KANSL1: variants seen among roughly 807,000 people sequenced by gnomAD.
KANSL1 encodes KAT8 regulatory NSL complex subunit 1, also known as MLL1/MLL complex subunit KANSL1.
KANSL1 carries 22 observed loss-of-function variants against 103.6 expected under a neutral mutation model. The ratio of observed to expected loss-of-function variants is 0.21; its 90% CI spans 0.15 to 0.30. KANSL1 has a LOEUF of 0.30. Ranked by LOEUF, KANSL1 falls within the 10% of genes least tolerant of loss-of-function variation. The pLI is 1.00. For missense variants in KANSL1, 1,337 were observed against 1,399.8 expected (o/e 0.96, Z 0.72); for synonymous variants, 600 against 527.6 (o/e 1.14, Z -1.88).
rs191378216 is a variant in KANSL1 at position 46,068,965 on chromosome 17, G to A, written c.1534-1298C>T. Among the ~76,000 whole-genome samples the A allele has an allele frequency of 2.3e-3, 346 of 152,088 alleles. 2 individuals carry two copies. Among genetic ancestry groups the A allele is most frequent in the African/African-American group, 8.1e-3 (338 of 41,478 alleles). On this transcript the variant is annotated intron_variant, in intron 4 of 14. Transcript: ENST00000432791. ...TTTTGAGATGAAGTCTCGCTATCCC[G>A]CCCAAGCTGGAGTGCAGTGGCATGA...
chr17:46,141,617 T>G (rs1157253900), intron 2 of KANSL1, among the ~76,000 whole-genome samples: 2 of 152,170 alleles, frequency 1.3e-5, no homozygotes, highest in Non-Finnish European at 2.9e-5. Flanking sequence ...TAAAAGGAAT[T>G]AAAAAGAACA....
chr17:46,067,109 G>T (rs1361658851), intron 5 of KANSL1, among the ~76,000 whole-genome samples: 2 of 152,204 alleles, frequency 1.3e-5, no homozygotes, highest in Non-Finnish European at 2.9e-5. Flanking sequence ...CTTAGAATCA[G>T]TTCTATGAAA....
intron 3 of KANSL1, among the ~76,000 whole-genome samples, chr17:46,089,612 T>C (rs2079303448): frequency 1.4e-5 from 2 of 142,076 alleles, no homozygotes; most frequent in Admixed American, 6.9e-5. Context: ...CTGGGAAATC[T>C]TGGTGCAGCA....
intron 2 of KANSL1, among the ~76,000 whole-genome samples, chr17:46,138,814 A>G (rs1455215429): frequency 6.6e-6 from 1 of 152,280 alleles, no homozygotes; most frequent in Non-Finnish European, 1.5e-5. Context: ...TCAAAGGATC[A>G]TCACTGTAAC....
intron 4 of KANSL1, among the ~76,000 whole-genome samples, chr17:46,073,965 T>C (rs1270665293): frequency 7.2e-5 from 11 of 152,116 alleles, no homozygotes; most frequent in Non-Finnish European, 1.6e-4. Context: ...TTTATATATA[T>C]ATACAGGTTA....
At chr17:46,130,914 ATTTC>A (rs1226427628) in intron 2 of KANSL1, among the ~76,000 whole-genome samples, 1 of 152,232 alleles carries the variant, frequency 6.6e-6, no homozygotes, top group East Asian at 1.9e-4. Context: ...AAATAAACAC[ATTTC>A]TTTAAGAAAT....
At chr17:46,140,094 A>T (rs1346995862) in intron 2 of KANSL1, among the ~76,000 whole-genome samples, 1 of 152,190 alleles carries the variant, frequency 6.6e-6, no homozygotes, top group Non-Finnish European at 1.5e-5. Context: ...CTCAGAAATA[A>T]TCACTGTTAG....
chr17:46,149,004 CTTTTTTT>C (rs77731269), intron 2 of KANSL1, among the ~76,000 whole-genome samples: 21,849 of 121,574 alleles, frequency 0.18, 2,200 homozygotes, highest in Middle Eastern at 0.26. Context: ...CTCTTTTTTT[CTTTTTTT>C]TTTTTTTTTG....
At chr17:46,166,175 T>C (rs1308509569) in intron 2 of KANSL1, among the ~76,000 whole-genome samples, 1 of 140,048 alleles carries the variant, frequency 7.1e-6, no homozygotes, top group Non-Finnish European at 1.6e-5. Context: ...ATCATGCCAC[T>C]GTAACTCTAG....
At chr17:46,132,636 C>T (rs2043920744) in intron 2 of KANSL1, among the ~76,000 whole-genome samples, 2 of 152,180 alleles carry the variant, frequency 1.3e-5, no homozygotes, top group Admixed American at 6.5e-5. Context: ...CCTAATTAAA[C>T]CCTCTAATTT....
rs144033884 is a variant in KANSL1, at chr17:46,094,390, C to T, written c.1431+170G>A. ...GGGATCACAAGAGTGAGCCACCACG[C>T]GCAGCCACATCAGGTTCTTAAATTA... On this transcript the variant is annotated intron_variant, in intron 3 of 14. Transcript: ENST00000432791. 3.0e-4 allele frequency: 243 copies of T among 807,614 alleles called. No homozygotes were observed. In the African/African-American group the frequency reaches 4.0e-3, roughly 13 times the overall value. The allele number at this position is 807,614 out of a possible 1,614,324, so 50.0% of individuals were successfully genotyped here. A position where few individuals can be genotyped will look rare whatever the true frequency, so the allele number is the denominator to read the frequency against.
At chr17:46,057,400 G>A (rs1326967155) in intron 6 of KANSL1, among the ~76,000 whole-genome samples, 5 of 151,866 alleles carry the variant, frequency 3.3e-5, no homozygotes, top group Non-Finnish European at 5.9e-5. Context: ...GTACCTCAGG[G>A]TAAACAAATA....
At chr17:46,155,155 ATTTTTTTT>A (rs33974360) in intron 2 of KANSL1, among the ~76,000 whole-genome samples, 18 of 103,832 alleles carry the variant, frequency 1.7e-4, no homozygotes, top group South Asian at 1.4e-3. Context: ...TCAGCCAGGG[ATTTTTTTT>A]TTTTTTTTTT....
chr17:46,150,590 T>C (rs2045036922), intron 2 of KANSL1, among the ~76,000 whole-genome samples: 1 of 152,236 alleles, frequency 6.6e-6, no homozygotes, highest in Non-Finnish European at 1.5e-5. Context: ...TTACATAACA[T>C]AGCACTGTTA....
intron 4 of KANSL1, among the ~76,000 whole-genome samples, chr17:46,073,117 C>T (rs2078636709): frequency 6.6e-6 from 1 of 152,180 alleles, no homozygotes; most frequent in Non-Finnish European, 1.5e-5. Flanking sequence ...TCCCTAGAGA[C>T]TGCAAAACTT....
intron 7 of KANSL1, among the ~76,000 whole-genome samples, chr17:46,048,554 C>T (rs1419387388): frequency 6.6e-6 from 1 of 152,026 alleles, no homozygotes; most frequent in Non-Finnish European, 1.5e-5. Flanking sequence ...GCAACAAAAG[C>T]GAGACTCTGT....
intron 2 of KANSL1, among the ~76,000 whole-genome samples, chr17:46,109,873 A>G (rs187976471): frequency 6.6e-6 from 1 of 152,326 alleles, no homozygotes. Context: ...CCTTAAACAC[A>G]CTTGAGAAAC....
chr17:46,077,550 T>C (rs558906123), intron 4 of KANSL1, among the ~76,000 whole-genome samples: 1 of 152,146 alleles, frequency 6.6e-6, no homozygotes, highest in African/African-American at 2.4e-5. Context: ...ATTCTTGAAG[T>C]TTCATGATTT....
intron 1 of KANSL1, among the ~76,000 whole-genome samples, chr17:46,200,397 G>A (rs1294795021): frequency 6.6e-6 from 1 of 152,202 alleles, no homozygotes; most frequent in African/African-American, 2.4e-5. Context: ...AAGGGAAAAT[G>A]TTCAAAGAGA....
Sources: gnomAD v4.1 joint callset for allele counts (sites outside exome capture counted in the v4.1 genomes callset) on GRCh38, gnomAD v4.1.1 for gene constraint, MANE v1.5 for transcripts, NCBI Gene and HGNC (gene_info 2026-07-23, HGNC 2026-07-21) for gene names.